Variants in NCAM1 observed in about 807,000 individuals in gnomAD.
NCAM1 encodes the protein antigen recognized by monoclonal antibody 5.1H11.
Under a neutral mutation model 109.8 loss-of-function variants are expected in NCAM1, and 14 were observed. The observed-to-expected ratio is 0.13, with a 90% CI of 0.08 to 0.20. NCAM1 has a LOEUF of 0.20. Among genes scored for constraint, NCAM1 ranks in the 10% least tolerant of loss-of-function variants. The pLI, the probability that NCAM1 is intolerant of heterozygous loss-of-function variation, is 1.00. For synonymous variants in NCAM1, 418 were observed against 442.9 expected (o/e 0.94, Z 0.70); for missense variants, 774 against 1,109.9 (o/e 0.70, Z 4.30).
intron 9 of NCAM1, among the ~76,000 whole-genome samples, chr11:113,230,462 G>A (rs964637850): frequency 6.6e-6 from 1 of 152,176 alleles, no homozygotes; most frequent in Admixed American, 6.5e-5. Flanking sequence ...GATGGTCCAA[G>A]GGACTTTTCA....
Position 113,270,365 on chromosome 11 carries a change from A to G in NCAM1, c.2309A>G (p.Lys770Arg), listed in dbSNP as rs1555125059. Residue 770 changes from lysine to arginine, a missense_variant, in exon 18 of 20, where the codon AAG becomes AGG. By Grantham distance (26) the Lys-to-Arg change is conservative. Transcript: ENST00000316851. ...CGKAGPGAKG[K>R]DMEEGKAAFS... is the part of the protein sequence containing the mutation. ...AAAGCCGGGCCCGGGGCCAAGGGCA[A>G]GGACATGGAGGAGGGCAAGGCCGCC... is the stretch of plus-strand genomic sequence containing the variant. 3.7e-6 allele frequency: 6 copies of G among 1,614,002 alleles called. No homozygotes were observed. The highest frequency in any genetic ancestry group is 5.1e-6 in the Non-Finnish European group (6 of 1,179,898).
chr11:113,208,136 A>ACCTAGTCCAAGC lies in NCAM1; in HGVS notation c.916+148_916+159dup, dbSNP rs577917203. On this transcript the variant is annotated intron_variant, in intron 7 of 19. Coordinates refer to ENST00000316851, the MANE Select transcript of NCAM1 (RefSeq NM_181351.5). ...GCAACCATTTCTTGCCAGTTCCACC[A>ACCTAGTCCAAGC]CCTAGTCCAAGCCCTAGTCCAAGCC... The ACCTAGTCCAAGC allele has an allele frequency of 3.4e-4, 359 of 1,068,288 alleles. 1 individual carries two copies. In the African/African-American group the frequency reaches 4.8e-3, roughly 14 times the overall value. 66.2% of individuals were successfully genotyped at this position (1,068,288 alleles called of 1,614,324 possible). A position where few individuals can be genotyped will look rare whatever the true frequency, so the allele number is the denominator to read the frequency against.
At chr11:113,097,929 A>C (rs1816537) in intron 1 of NCAM1, among the ~76,000 whole-genome samples, 75,061 of 152,048 alleles carry the variant, frequency 0.49, 19,359 homozygotes, top group Middle Eastern at 0.55. Flanking sequence ...TCATACCTAA[A>C]TATTTGAGAT....
rs1175342641 is a variant in NCAM1, at chr11:113,220,602, C to CTTTT, written c.1060-674_1060-671dup. Among the ~76,000 whole-genome samples, 100 of 75,590 alleles carry CTTTT rather than the reference C, an allele frequency of 1.3e-3. 6 individuals carry two copies. Among genetic ancestry groups the CTTTT allele is most frequent in the African/African-American group, 4.6e-3 (76 of 16,430 alleles). The allele number at this position is 75,590 out of a possible 152,430, so 49.6% of individuals were successfully genotyped here. On this transcript the variant is annotated intron_variant, in intron 8 of 19. Transcript: ENST00000316851. ...AGACCTATTCTCTCTCTCTCTCTCT[C>CTTTT]TTTTTTTTTTTTTTTTTTTTTTTGA...
In NCAM1 at chr11:113,233,462, G is replaced by C. The variant is rs188041552; in HGVS notation, c.1693+145G>C. ...CAAAGTCATATCTGCCTGTAGAGTT[G>C]TTGCCCCTATTGCCACCCCAACCCA... On this transcript the variant is annotated intron_variant, in intron 13 of 19. Coordinates refer to ENST00000316851, the MANE Select transcript of NCAM1 (RefSeq NM_181351.5). This position sits in a 1 kb window ranked among gnomAD's most constrained non-coding sequence, Gnocchi z 4.5. The C allele has an allele frequency of 7.7e-6, 7 of 909,112 alleles. No individual in the cohort carries two copies. Among genetic ancestry groups the C allele is most frequent in the Non-Finnish European group, 9.9e-6 (6 of 608,194 alleles). 56.3% of individuals were successfully genotyped at this position (909,112 alleles called of 1,614,324 possible). A position where few individuals can be genotyped will look rare whatever the true frequency, so the allele number is the denominator to read the frequency against.
chr11:112,967,069 A>G (rs1950746719), intron 1 of NCAM1, among the ~76,000 whole-genome samples: 1 of 152,206 alleles, frequency 6.6e-6, no homozygotes. Context: ...GATATGATTT[A>G]AAAGGCTTCT....
chr11:113,147,650 C>T (rs1202249878), intron 1 of NCAM1, among the ~76,000 whole-genome samples: 2 of 152,212 alleles, frequency 1.3e-5, no homozygotes, highest in African/African-American at 2.4e-5. Flanking sequence ...ACCCCAGAAG[C>T]TTGTAACAGG....
At chr11:113,122,503 G>T (rs969523256) in intron 1 of NCAM1, among the ~76,000 whole-genome samples, 1 of 152,134 alleles carries the variant, frequency 6.6e-6, no homozygotes, top group Non-Finnish European at 1.5e-5. Context: ...AAAGAAACTC[G>T]CCGGGCATGG....
At chr11:113,242,861 G>C (rs369806703) in intron 14 of NCAM1, 310 of 1,613,846 alleles carry the variant, frequency 1.9e-4, no homozygotes, top group Non-Finnish European at 2.6e-4. Context: ...GTACAGGGCT[G>C]AGTTGCTCTC....
At chr11:113,077,396 T>C (rs1938575978) in intron 1 of NCAM1, among the ~76,000 whole-genome samples, 1 of 152,188 alleles carries the variant, frequency 6.6e-6, no homozygotes, top group Non-Finnish European at 1.5e-5. Flanking sequence ...GCTTGACTTA[T>C]CCTAGGCACA....
At chr11:113,128,938 T>C (rs554280735) in intron 1 of NCAM1, among the ~76,000 whole-genome samples, 1 of 150,000 alleles carries the variant, frequency 6.7e-6, no homozygotes, top group Non-Finnish European at 1.5e-5. Context: ...TGTGTGTGTG[T>C]GTGTGTGTGT....
intron 1 of NCAM1, among the ~76,000 whole-genome samples, chr11:113,193,371 T>C (rs1943748159): frequency 1.3e-5 from 2 of 152,174 alleles, no homozygotes; most frequent in Non-Finnish European, 2.9e-5. Context: ...CCAGGCACAG[T>C]GGCTTATGCC....
Position 112,962,664 on chromosome 11 carries a change from G to C in NCAM1, c.52+1000G>C, listed in dbSNP as rs778662521. 6.6e-6 allele frequency among the ~76,000 whole-genome samples: 1 copy of C among 151,758 alleles called. No individual in the cohort carries two copies. Among genetic ancestry groups the C allele is most frequent in the Non-Finnish European group, 1.5e-5 (1 of 67,910 alleles). On this transcript the variant is annotated intron_variant, in intron 1 of 19. Coordinates refer to ENST00000316851, the MANE Select transcript of NCAM1 (RefSeq NM_181351.5). This position sits in a 1 kb window ranked among gnomAD's most constrained non-coding sequence, Gnocchi z 5.6. Reference sequence around the variant, plus strand: ...GTTGCGCCGCCGCCCAGAGAACCTCGGCAGTGTGCAGGGAGGTGCATTTCA... The same window carrying C: ...GTTGCGCCGCCGCCCAGAGAACCTCCGCAGTGTGCAGGGAGGTGCATTTCA...
rs78594994 is a variant in NCAM1, at chr11:113,140,032, T to C, written c.53-62347T>C. Among the ~76,000 whole-genome samples, 1,250 of 152,312 alleles carry C rather than the reference T, an allele frequency of 8.2e-3. 19 individuals are homozygous for C. Among genetic ancestry groups the C allele is most frequent in the African/African-American group, 0.029 (1,190 of 41,558 alleles). ...TCAAGTGATAAGCAGTTTGTCACCA[T>C]TATCACAAATATTTGCAGAGCACAA... On this transcript the variant is annotated intron_variant, in intron 1 of 19. Transcript: ENST00000316851.
chr11:113,131,269 T>G (rs1356559584), intron 1 of NCAM1, among the ~76,000 whole-genome samples: 1 of 152,192 alleles, frequency 6.6e-6, no homozygotes, highest in Non-Finnish European at 1.5e-5. Context: ...CAGTGAGCCC[T>G]GTCATGGCCT....
intron 1 of NCAM1, among the ~76,000 whole-genome samples, chr11:113,032,027 G>T (rs1952736458): frequency 6.6e-6 from 1 of 152,056 alleles, no homozygotes; most frequent in Admixed American, 6.5e-5. Context: ...CCTGCAGCCT[G>T]ACCACCTGGG....
At chr11:113,204,800 T>C (rs1944186689) in intron 3 of NCAM1, among the ~76,000 whole-genome samples, 1 of 152,174 alleles carries the variant, frequency 6.6e-6, no homozygotes, top group Non-Finnish European at 1.5e-5. Context: ...GTTCTGCAAT[T>C]TGGGCTCCTC....
chr11:113,111,964 C>A (rs1555093801), intron 1 of NCAM1, among the ~76,000 whole-genome samples: 1 of 152,136 alleles, frequency 6.6e-6, no homozygotes, highest in East Asian at 1.9e-4. Flanking sequence ...GCTTTATTGG[C>A]ACATGTTTAC....
intron 1 of NCAM1, among the ~76,000 whole-genome samples, chr11:113,111,305 T>C (rs72995959): frequency 0.083 from 12,576 of 152,226 alleles, 717 homozygotes; most frequent in East Asian, 0.12. Context: ...ATTGCAAAAG[T>C]AATTATGTTT....
Sources: allele counts gnomAD v4.1 joint callset (sites outside exome capture counted in the v4.1 genomes callset), GRCh38; gene constraint gnomAD v4.1.1; non-coding constraint Gnocchi (gnomAD v3.1); transcripts MANE v1.5; gene names NCBI Gene and HGNC (gene_info 2026-07-23, HGNC 2026-07-21).